Variants in RBBP8 observed in about 807,000 individuals in gnomAD.
RBBP8 encodes RB binding protein 8, endonuclease.
A neutral mutation model predicts 108.3 loss-of-function variants in RBBP8; 88 were observed. The ratio of observed to expected loss-of-function variants is 0.81; its 90% CI spans 0.68 to 0.97. RBBP8 has a LOEUF of 0.97. RBBP8 is among the 50% of genes least tolerant of loss of function. The pLI, the probability that RBBP8 is intolerant of heterozygous loss-of-function variation, is 0.00. For synonymous variants in RBBP8, 332 were observed against 348.2 expected, an observed-to-expected ratio of 0.95 and a Z score of 0.52; for missense variants, 1,023 against 1,049.0, an observed-to-expected ratio of 0.98 and a Z score of 0.34.
chr18:23,011,668 T>C (rs1308558815), intron 16 of RBBP8, among the ~76,000 whole-genome samples: 1 of 152,052 alleles, frequency 6.6e-6, no homozygotes, highest in Admixed American at 6.5e-5. Flanking sequence ...CTCGATCTCC[T>C]GACCTCATGA....
At chr18:22,944,381 A>G (rs1310670991) in intron 2 of RBBP8, among the ~76,000 whole-genome samples, 2 of 152,156 alleles carry the variant, frequency 1.3e-5, no homozygotes, top group Non-Finnish European at 2.9e-5. Context: ...GCAAGAATCC[A>G]TTTCATCTTT....
At chr18:22,919,509 G>T (rs922095334) in intron 3 of RBBP8, among the ~76,000 whole-genome samples, 37 of 152,276 alleles carry the variant, frequency 2.4e-4, no homozygotes, top group African/African-American at 8.7e-4. Context: ...TGTGCAGAAA[G>T]ACAAAAGCAT....
upstream of RBBP8, among the ~76,000 whole-genome samples, chr18:22,930,905 A>G (rs552438748): frequency 2.0e-5 from 3 of 152,202 alleles, no homozygotes; most frequent in East Asian, 5.8e-4. Flanking sequence ...CACAGTAACT[A>G]GAACTAGAGG....
At position 23,001,721 on chromosome 18, in the gene RBBP8, A is replaced by G; in HGVS notation, c.2279A>G (p.Lys760Arg). 1.2e-6 allele frequency: 2 copies of G among 1,614,158 alleles called. No homozygotes were observed. The highest frequency in any genetic ancestry group is 1.3e-5 in the African/African-American group (1 of 75,064). The change falls in exon 15 of 19, where the codon AAA (lysine) becomes AGA (arginine). Residue 760 changes from lysine to arginine, a missense_variant. By Grantham distance (26) the Lys-to-Arg change is conservative. Coordinates refer to ENST00000327155, the MANE Select transcript of RBBP8 (RefSeq NM_002894.3). ...EEEELSTATK[K>R]LHTHGDKQDK... ...GAGGAATTGTCTACTGCCACAAAGA[A>G]ACTACACAGTAAGATTTTTTTCTGT...
chr18:22,936,990 G>A, intron 2 of RBBP8, 30 bp downstream of exon 2: 3 of 1,612,334 alleles, frequency 1.9e-6, no homozygotes, highest in African/African-American at 1.3e-5. Context: ...ACTTACAGCA[G>A]TATTTTGTTG....
chr18:23,002,814 A>T (rs934345429), intron 15 of RBBP8, among the ~76,000 whole-genome samples: 4 of 152,178 alleles, frequency 2.6e-5, no homozygotes, highest in African/African-American at 9.7e-5. Flanking sequence ...GTGAGACCCA[A>T]ACCAAAGATA....
intron 4 of RBBP8, among the ~76,000 whole-genome samples, chr18:22,956,887 G>T (rs1390988385): frequency 6.6e-6 from 1 of 151,982 alleles, no homozygotes; most frequent in Non-Finnish European, 1.5e-5. Flanking sequence ...TTCCTTCCAG[G>T]AACTAAAGTA....
chr18:22,981,784 T>C (rs1914950434), intron 6 of RBBP8, among the ~76,000 whole-genome samples: 1 of 152,240 alleles, frequency 6.6e-6, no homozygotes, highest in Non-Finnish European at 1.5e-5. Context: ...TCTTGCACAA[T>C]ACTGTTAGAT....
At chr18:23,025,593 T>C (rs1296427709) in intron 18 of RBBP8, among the ~76,000 whole-genome samples, 1 of 152,194 alleles carries the variant, frequency 6.6e-6, no homozygotes, top group East Asian at 1.9e-4. Flanking sequence ...AGAGACACCT[T>C]AGGAGATCTA....
At chr18:22,941,047 A>G (rs1352015207) in intron 2 of RBBP8, among the ~76,000 whole-genome samples, 1 of 152,050 alleles carries the variant, frequency 6.6e-6, no homozygotes, top group African/African-American at 2.4e-5. Context: ...TTTTGATGCT[A>G]CTGTAAATAG....
At chr18:22,965,494 ACTCC>A (rs1913505759) in intron 4 of RBBP8, among the ~76,000 whole-genome samples, 1 of 151,864 alleles carries the variant, frequency 6.6e-6, no homozygotes, top group Non-Finnish European at 1.5e-5. Context: ...AATAGGGCTG[ACTCC>A]CAGTGTTCTT....
chr18:22,998,975 G>T (rs184894037), intron 14 of RBBP8, among the ~76,000 whole-genome samples: 39 of 152,062 alleles, frequency 2.6e-4, no homozygotes, highest in Non-Finnish European at 2.5e-4. Context: ...AGATTATTTT[G>T]TTCCTGATAC....
Position 23,022,130 on chromosome 18 carries a change from A to T in RBBP8, c.2456A>T (p.Tyr819Phe), listed in dbSNP as rs779504815. ...LGHTCKECEI[Y>F]YADMPAEERE... ...AAACTTACCAGTTTTTATTATTAGT[A>T]TTATGCAGATATGCCAGCAGAAGAA... The change falls in exon 18 of 19, where the codon TAT (tyrosine) becomes TTT (phenylalanine). Residue 819 changes from tyrosine to phenylalanine, a missense_variant and splice_region_variant. Coordinates refer to ENST00000327155, the MANE Select transcript of RBBP8 (RefSeq NM_002894.3). 3.3e-5 allele frequency: 52 copies of T among 1,593,902 alleles called. No individual in the cohort carries two copies. The Middle Eastern group carries it at 6.6e-4, about 20-fold the overall frequency.
chr18:22,954,049 C>A (rs1912277404), intron 4 of RBBP8, among the ~76,000 whole-genome samples: 1 of 152,052 alleles, frequency 6.6e-6, no homozygotes, highest in African/African-American at 2.4e-5. Context: ...CAATTACTTC[C>A]CACAGTTGGG....
chr18:23,001,545 A>G (rs1475518205), intron 14 of RBBP8, 41 bp from the exon 15 acceptor site: 1 of 1,613,272 alleles, frequency 6.2e-7, no homozygotes, highest in Admixed American at 1.7e-5. Flanking sequence ...ATATTAAGCA[A>G]AAGCTTGCTT....
At chr18:22,962,276 A>G (rs552817649) in intron 4 of RBBP8, among the ~76,000 whole-genome samples, 4 of 152,100 alleles carry the variant, frequency 2.6e-5, no homozygotes, top group African/African-American at 4.8e-5. Context: ...ACTCTACTGA[A>G]GTTATACTGG....
At chr18:23,022,668 T>TAAATA (rs1175474463) in intron 18 of RBBP8, among the ~76,000 whole-genome samples, 1 of 136,026 alleles carries the variant, frequency 7.4e-6, no homozygotes, top group Non-Finnish European at 1.6e-5. Flanking sequence ...TAAAATAAAA[T>TAAATA]AAATAACTGT....
At chr18:23,006,259 C>T in intron 15 of RBBP8, 104 bp from the exon 16 acceptor site, 1 of 984,068 alleles carries the variant, frequency 1.0e-6, no homozygotes, top group Admixed American at 1.9e-5. Flanking sequence ...GCATGAAACC[C>T]AATAAAAATG....
Position 22,956,298 on chromosome 18 carries a change from T to G in RBBP8, c.248+6585T>G, listed in dbSNP as rs1411417762. Among the ~76,000 whole-genome samples the G allele has an allele frequency of 2.6e-5, 4 of 152,144 alleles. No individual in the cohort carries two copies. The East Asian group carries it at 7.7e-4, about 29-fold the overall frequency. On this transcript the variant is annotated intron_variant, in intron 4 of 18. Coordinates refer to ENST00000327155, the MANE Select transcript of RBBP8 (RefSeq NM_002894.3). Reference sequence around the variant, plus strand: ...TGAGACCTTTAAAAGCAACATGTATTTTGTTAATTTTTTTTTCTTTTGTTT... The same window carrying G: ...TGAGACCTTTAAAAGCAACATGTATGTTGTTAATTTTTTTTTCTTTTGTTT...
Sources: gnomAD v4.1 joint callset for allele counts (sites outside exome capture counted in the v4.1 genomes callset) on GRCh38, gnomAD v4.1.1 for gene constraint, MANE v1.5 for transcripts, NCBI Gene and HGNC (gene_info 2026-07-23, HGNC 2026-07-21) for gene names.